Variants in HIVEP3 observed in about 807,000 individuals in gnomAD.
HIVEP3 encodes transcription factor HIVEP3.
In HIVEP3, 49 loss-of-function variants were observed where a neutral mutation model predicts 152.8. The observed-to-expected ratio is 0.32, with a 90% CI of 0.26 to 0.41. HIVEP3 has a LOEUF of 0.41. HIVEP3 is among the 10% of genes least tolerant of loss of function. The pLI, the probability that HIVEP3 is intolerant of heterozygous loss-of-function variation, is 1.00. For missense variants in HIVEP3, 2,790 were observed against 3,103.3 expected, an observed-to-expected ratio of 0.90 and a Z score of 2.40; for synonymous variants, 1,269 against 1,289.0, an observed-to-expected ratio of 0.98 and a Z score of 0.33.
chr1:41,510,550 C>T lies in HIVEP3; in HGVS notation c.7122G>A (p.Gly2374=). The change falls in exon 9 of 9, where the codon GGG becomes GGA. Residue 2374 remains glycine, a synonymous_variant. Transcript: ENST00000372583. The part of the protein sequence containing the change: ...RFPARTRNLS[G]EPRTRQDSPK... Reference sequence around the variant, plus strand: ...GGGAGTCCTGCCTGGTCCTGGGTTCCCCGGAGAGGTTCCTCGTCCGGGCTG... The same window carrying T: ...GGGAGTCCTGCCTGGTCCTGGGTTCTCCGGAGAGGTTCCTCGTCCGGGCTG... 1 of 1,574,862 alleles carries T rather than the reference C, an allele frequency of 6.3e-7. No individual in the cohort carries two copies. The highest frequency in any genetic ancestry group is 8.6e-7 in the Non-Finnish European group (1 of 1,160,330).
At chr1:41,956,323 G>T (rs583077) in intron 1 of HIVEP3, among the ~76,000 whole-genome samples, 79,681 of 152,008 alleles carry the variant, frequency 0.52, 21,092 homozygotes, top group East Asian at 0.71. Context: ...ATGCAAACTT[G>T]AGGCCCATTA....
At chr1:41,811,167 T>A (rs1162482772) in intron 1 of HIVEP3, among the ~76,000 whole-genome samples, 1 of 151,538 alleles carries the variant, frequency 6.6e-6, no homozygotes, top group Non-Finnish European at 1.5e-5. Flanking sequence ...TATTGCCCAG[T>A]GGGCAGCTAG....
chr1:41,791,165 C>T (rs899940046), intron 1 of HIVEP3, among the ~76,000 whole-genome samples: 27 of 128,884 alleles, frequency 2.1e-4, no homozygotes, highest in East Asian at 9.2e-4. Context: ...CACACACACA[C>T]GAGTCTACAC....
At chr1:41,943,706 G>C (rs1645059403) in intron 1 of HIVEP3, among the ~76,000 whole-genome samples, 1 of 152,160 alleles carries the variant, frequency 6.6e-6, no homozygotes, top group Non-Finnish European at 1.5e-5. Flanking sequence ...GTTATTACCA[G>C]AACATAAATT....
At chr1:41,647,853 T>C (rs906180812) in intron 2 of HIVEP3, among the ~76,000 whole-genome samples, 3 of 152,332 alleles carry the variant, frequency 2.0e-5, no homozygotes, top group South Asian at 2.1e-4. Context: ...CAGAAGCCCA[T>C]GGGATGTTCT....
chr1:41,670,131 G>A (rs1314599205), intron 2 of HIVEP3, among the ~76,000 whole-genome samples: 1 of 152,202 alleles, frequency 6.6e-6, no homozygotes, highest in Non-Finnish European at 1.5e-5. Context: ...CCCAGTAGGT[G>A]CACAGTGATA....
chr1:41,620,330 C>G (rs1308668864), intron 3 of HIVEP3, among the ~76,000 whole-genome samples: 1 of 152,118 alleles, frequency 6.6e-6, no homozygotes, highest in Admixed American at 6.6e-5. Context: ...TTTTATTTAC[C>G]CATGACATAG....
intron 1 of HIVEP3, among the ~76,000 whole-genome samples, chr1:41,939,712 A>G (rs1190213094): frequency 6.6e-6 from 1 of 152,130 alleles, no homozygotes; most frequent in Non-Finnish European, 1.5e-5. Flanking sequence ...GCAGCCCTTT[A>G]TTTATTACAT....
intron 1 of HIVEP3, among the ~76,000 whole-genome samples, chr1:41,755,947 C>A (rs1647289613): frequency 6.6e-6 from 1 of 152,096 alleles, no homozygotes; most frequent in African/African-American, 2.4e-5. Context: ...ACTAAACATA[C>A]AGTTAGCATA....
chr1:41,914,488 G>A (rs55825205), intron 1 of HIVEP3, among the ~76,000 whole-genome samples: 2,095 of 152,204 alleles, frequency 0.014, 40 homozygotes, highest in African/African-American at 0.047. Flanking sequence ...AGGTCCTCAC[G>A]TTTTCCACAT....
In HIVEP3 at chr1:41,513,268, G is replaced by C. The variant is rs748610439; in HGVS notation, c.5953C>G (p.His1985Asp). 6.2e-7 allele frequency: 1 copy of C among 1,613,316 alleles called. No homozygotes were observed. The highest frequency in any genetic ancestry group is 2.2e-5 in the East Asian group (1 of 44,860). Reference sequence around the variant, plus strand: ...GATGAGTCGTTTTTGGTTAGCGAGTGTTTGCGGGCTAGTGGTGGACGGCTG... The same window carrying C: ...GATGAGTCGTTTTTGGTTAGCGAGTCTTTGCGGGCTAGTGGTGGACGGCTG... ...AGSRPPLARK[H>D]SLTKNDSSPQ... The change falls in exon 8 of 9, where the codon CAC (histidine) becomes GAC (aspartate). Residue 1985 changes from histidine to aspartate, a missense_variant. This residue lies in a region of HIVEP3 where 816 missense variants were observed against 806.5 expected (regional missense o/e 1.01). Coordinates refer to ENST00000372583, the MANE Select transcript of HIVEP3 (RefSeq NM_024503.5).
At chr1:41,742,118 G>A (rs550523070) in intron 1 of HIVEP3, among the ~76,000 whole-genome samples, 2 of 152,170 alleles carry the variant, frequency 1.3e-5, no homozygotes, top group Admixed American at 6.5e-5. Context: ...AGAAGTTCGA[G>A]GTGGGGCTGG....
chr1:41,633,647 G>A (rs564404551), intron 2 of HIVEP3, among the ~76,000 whole-genome samples: 2 of 152,160 alleles, frequency 1.3e-5, no homozygotes, highest in Admixed American at 1.3e-4. Context: ...TCAACAGCTG[G>A]TGCCCTACGA....
chr1:41,777,027 T>G (rs1484732398), intron 1 of HIVEP3, among the ~76,000 whole-genome samples: 1 of 152,180 alleles, frequency 6.6e-6, no homozygotes, highest in East Asian at 1.9e-4. Flanking sequence ...CTTGGACTCC[T>G]GGTTCAGGTT....
At chr1:41,769,590 A>G (rs1648222799) in intron 1 of HIVEP3, among the ~76,000 whole-genome samples, 1 of 152,212 alleles carries the variant, frequency 6.6e-6, no homozygotes, top group Admixed American at 6.5e-5. Context: ...AAGAAGTAAA[A>G]AAAGAAGTTA....
chr1:41,711,777 C>T (rs558330554), intron 1 of HIVEP3, among the ~76,000 whole-genome samples: 6 of 152,188 alleles, frequency 3.9e-5, no homozygotes, highest in East Asian at 1.9e-4. Context: ...ATGCCCACCA[C>T]GTGGCTGGCA....
At chr1:41,628,210 A>G (rs1055353416) in intron 3 of HIVEP3, among the ~76,000 whole-genome samples, 1 of 152,158 alleles carries the variant, frequency 6.6e-6, no homozygotes, top group Non-Finnish European at 1.5e-5. Flanking sequence ...CCCAACCCTG[A>G]CATCTTTTCA....
At chr1:41,516,313 G>A (rs1452885244) in intron 7 of HIVEP3, among the ~76,000 whole-genome samples, 1 of 152,174 alleles carries the variant, frequency 6.6e-6, no homozygotes, top group South Asian at 2.1e-4. Flanking sequence ...GGGCAGGGCC[G>A]GGGCGCCTGG....
chr1:41,831,940 G>A lies in HIVEP3; in HGVS notation c.-801+86473C>T, dbSNP rs530798367. Among the ~76,000 whole-genome samples, 31 of 152,290 alleles carry A rather than the reference G, an allele frequency of 2.0e-4. No homozygotes were observed. In the South Asian group the frequency reaches 4.6e-3, roughly 22 times the overall value. On this transcript the variant is annotated intron_variant, in intron 1 of 8. Coordinates refer to ENST00000372583, the MANE Select transcript of HIVEP3 (RefSeq NM_024503.5). Reference sequence around the variant, plus strand: ...TTTACCTAATCTACCCAAAGTCATCGAACTAATAAGTAAGTGATGGAGCCA... The same window carrying A: ...TTTACCTAATCTACCCAAAGTCATCAAACTAATAAGTAAGTGATGGAGCCA...
Sources: gnomAD v4.1 joint callset for allele counts (sites outside exome capture counted in the v4.1 genomes callset) on GRCh38, gnomAD v4.1.1 for gene constraint, gnomAD v4.1.1 regional missense constraint, MANE v1.5 for transcripts, NCBI Gene and HGNC (gene_info 2026-07-23, HGNC 2026-07-21) for gene names.